ZMYM1: variants seen among roughly 807,000 people sequenced by gnomAD.
ZMYM1 encodes the protein zinc finger MYM-type protein 1.
Under a neutral mutation model 60.0 loss-of-function variants are expected in ZMYM1, and 39 were observed. That is an observed-to-expected ratio of 0.65 (90% CI 0.50 to 0.85). The LOEUF (loss-of-function observed/expected upper bound fraction) is 0.85, where lower values mean the gene tolerates loss of function less well. Among genes scored for constraint, ZMYM1 ranks in the 40% least tolerant of loss-of-function variants. The probability of loss-of-function intolerance (pLI) is 0.00; values close to 1 mark genes in which losing one functional copy is unlikely to be tolerated. For missense variants in ZMYM1, 1,171 were observed against 1,309.5 expected (o/e 0.89, Z 1.63); for synonymous variants, 413 against 454.0 (o/e 0.91, Z 1.15).
At chr1:35,068,963 A>C (rs1006826029) in intron 1 of ZMYM1, among the ~76,000 whole-genome samples, 4 of 151,998 alleles carry the variant, frequency 2.6e-5, no homozygotes, top group African/African-American at 9.7e-5. Flanking sequence ...CAGCCTCCCA[A>C]GTAGCTGGGA....
chr1:35,101,109 CTTT>C (rs34048407), intron 4 of ZMYM1, among the ~76,000 whole-genome samples: 6 of 129,060 alleles, frequency 4.6e-5, no homozygotes, highest in Non-Finnish European at 4.8e-5. Flanking sequence ...AGCCAACATT[CTTT>C]TTTTTTTTTT....
chr1:35,078,870 G>A (rs1642227135), upstream of ZMYM1: 1 of 151,704 alleles, frequency 6.6e-6, no homozygotes, highest in Admixed American at 6.6e-5. Context: ...TAATTTTAAC[G>A]TACTAATGAA....
At chr1:35,064,881 G>C (rs1339894052) in intron 1 of ZMYM1, among the ~76,000 whole-genome samples, 1 of 151,574 alleles carries the variant, frequency 6.6e-6, no homozygotes, top group Non-Finnish European at 1.5e-5. Context: ...TAGAGGCAGG[G>C]TTTCACCGTG....
intron 1 of ZMYM1, among the ~76,000 whole-genome samples, chr1:35,089,061 C>T (rs1231335459): frequency 6.6e-6 from 1 of 152,112 alleles, no homozygotes; most frequent in Non-Finnish European, 1.5e-5. Flanking sequence ...ATCCACCCAC[C>T]TCAGCCTCCC....
At chr1:35,104,222 G>A (rs1360433679) in intron 4 of ZMYM1, 73 bp from the exon 5 acceptor site, 1 of 1,298,678 alleles carries the variant, frequency 7.7e-7, no homozygotes, top group African/African-American at 1.5e-5. Context: ...AATTTGAGAG[G>A]TCATTTCATT....
intron 9 of ZMYM1, 128 bp downstream of exon 9, chr1:35,112,258 A>G (rs947153000): frequency 3.0e-5 from 25 of 846,846 alleles, no homozygotes; most frequent in African/African-American, 2.9e-4. Context: ...GCTCACTGCA[A>G]CCTTTGCCTC....
rs896935244 is a variant in ZMYM1 at position 35,104,484 on chromosome 1, T to C, written c.594+15T>C. On this transcript the variant is annotated intron_variant, in intron 5 of 9. Transcript: ENST00000359858. ...AGACTGCTATTGTAAGTTCCAATTATAACCTTTACAGGGATTCTGATGATT... is the reference window on the plus strand; with the variant it reads ...AGACTGCTATTGTAAGTTCCAATTACAACCTTTACAGGGATTCTGATGATT... 1.1e-5 allele frequency: 17 copies of C among 1,609,464 alleles called. No homozygotes were observed. The highest frequency in any genetic ancestry group is 1.4e-5 in the Non-Finnish European group (16 of 1,176,974).
rs778295078 is a variant in ZMYM1, at chr1:35,093,628, TA to T, written c.-74-281del. On this transcript the variant is annotated intron_variant, in intron 1 of 9. Transcript: ENST00000359858. ...TTTACATTTTCTCCTATTGAAAAGT[TA>T]AAAATAAACTTGTAAGTTTTGGTGG... Among the ~76,000 whole-genome samples, 47 of 152,308 alleles carry T rather than the reference TA, an allele frequency of 3.1e-4. No homozygotes were observed. In the East Asian group the frequency reaches 7.5e-3, roughly 24 times the overall value.
At chr1:35,088,362 G>A (rs931477066) in intron 1 of ZMYM1, among the ~76,000 whole-genome samples, 1 of 150,556 alleles carries the variant, frequency 6.6e-6, no homozygotes. Context: ...AGGTTGCAGT[G>A]AGCCGTGATC....
chr1:35,118,688 C>T (rs2148583970), downstream of ZMYM1, among the ~76,000 whole-genome samples: 1 of 152,110 alleles, frequency 6.6e-6, no homozygotes, highest in East Asian at 1.9e-4. Flanking sequence ...GCCTGGGCCA[C>T]AGAGCAAGAC....
intron 4 of ZMYM1, 108 bp downstream of exon 4, chr1:35,097,674 G>A (rs1226857557): frequency 1.5e-6 from 2 of 1,372,502 alleles, no homozygotes; most frequent in South Asian, 2.6e-5. Flanking sequence ...GACTGAGTTT[G>A]ACTCTTGTTG....
chr1:35,114,553 A>G lies in ZMYM1; in HGVS notation c.2723A>G (p.Tyr908Cys), dbSNP rs1034702208. ...ECLSSERNDV[Y>C]FKTIWDGTEE... ...TTATCATCTGAAAGAAATGACGTATACTTTAAAACAATCTGGGATGGAACA... is the reference window on the plus strand; with the variant it reads ...TTATCATCTGAAAGAAATGACGTATGCTTTAAAACAATCTGGGATGGAACA... The change falls in exon 10 of 10, where the codon TAC (tyrosine) becomes TGC (cysteine). Residue 908 changes from tyrosine (Y) to cysteine (C), a missense_variant. Physicochemically the swap from Tyr to Cys is radical, Grantham distance 194 (BLOSUM62 -2). Transcript: ENST00000359858. 3.7e-6 allele frequency: 6 copies of G among 1,610,392 alleles called. No individual in the cohort carries two copies. In the African/African-American group the frequency reaches 5.3e-5, roughly 14 times the overall value.
At chr1:35,080,812 C>A (rs1267992060) in intron 1 of ZMYM1, among the ~76,000 whole-genome samples, 1 of 152,068 alleles carries the variant, frequency 6.6e-6, no homozygotes. Context: ...CAAGGCACTT[C>A]GGAAATGATG....
intron 1 of ZMYM1, among the ~76,000 whole-genome samples, chr1:35,064,397 C>T (rs1641932620): frequency 6.8e-6 from 1 of 147,712 alleles, no homozygotes; most frequent in Admixed American, 6.7e-5. Flanking sequence ...TTGATAGAAA[C>T]AGTAGACAGA....
intron 2 of ZMYM1, among the ~76,000 whole-genome samples, chr1:35,095,351 G>C (rs1012303541): frequency 6.6e-6 from 1 of 151,724 alleles, no homozygotes; most frequent in Non-Finnish European, 1.5e-5. Flanking sequence ...AAAATTAGCC[G>C]GGCATGGAGG....
upstream of ZMYM1, among the ~76,000 whole-genome samples, chr1:35,077,723 C>T (rs952349898): frequency 3.9e-5 from 6 of 152,164 alleles, no homozygotes; most frequent in Non-Finnish European, 8.8e-5. Context: ...AACCAATCAG[C>T]GCTTCTGGCT....
intron 1 of ZMYM1, among the ~76,000 whole-genome samples, chr1:35,092,333 A>G (rs1643064929): frequency 6.6e-6 from 1 of 151,666 alleles, no homozygotes. Context: ...CCTGGGTTGA[A>G]GTGATTCTCC....
chr1:35,096,324 A>AAAAAG (rs1269225316), intron 3 of ZMYM1, among the ~76,000 whole-genome samples: 5 of 150,980 alleles, frequency 3.3e-5, no homozygotes, highest in African/African-American at 1.2e-4. Context: ...AAAAAAAAAA[A>AAAAAG]AGAGAAGAAA....
chr1:35,117,606 G>A (rs1490304047), downstream of ZMYM1, among the ~76,000 whole-genome samples: 2 of 151,874 alleles, frequency 1.3e-5, no homozygotes, highest in Non-Finnish European at 2.9e-5. Context: ...ACAGGCATAA[G>A]CCACCATGCC....
Sources: gnomAD v4.1 joint callset for allele counts (sites outside exome capture counted in the v4.1 genomes callset) on GRCh38, gnomAD v4.1.1 for gene constraint, MANE v1.5 for transcripts, NCBI Gene and HGNC (gene_info 2026-07-23, HGNC 2026-07-21) for gene names.